Variants in PYGB observed in about 807,000 individuals in gnomAD.
The protein encoded by PYGB is glycogen phosphorylase, brain form.
Under a neutral mutation model 94.3 loss-of-function variants are expected in PYGB, and 82 were observed. That is an observed-to-expected ratio of 0.87 (90% CI 0.73 to 1.04). The LOEUF (loss-of-function observed/expected upper bound fraction) is 1.04. Among genes scored for constraint, PYGB ranks in the 50% least tolerant of loss-of-function variants. PYGB has a pLI of 0.00. For synonymous variants in PYGB, 488 were observed against 479.1 expected, an observed-to-expected ratio of 1.02 and a Z score of -0.24; for missense variants, 1,132 against 1,158.2, an observed-to-expected ratio of 0.98 and a Z score of 0.33.
chr20:25,248,361 C>T lies in PYGB; in HGVS notation c.183C>T (p.Arg61=). 6.3e-7 allele frequency: 1 copy of T among 1,597,626 alleles called. No homozygotes were observed. The change falls in exon 1 of 20, where the codon CGC becomes CGT. Residue 61 remains arginine, a synonymous_variant. Coordinates refer to ENST00000216962, the MANE Select transcript of PYGB (RefSeq NM_002862.4). ...DYFFALAHTV[R]DHLVGRWIRT... ...TCTTCGCGCTGGCGCACACGGTGCG[C>T]GACCACCTCGTGGGCCGCTGGATCC...
chr20:25,283,404 T>G, intron 13 of PYGB, 127 bp downstream of exon 13: 1 of 785,358 alleles, frequency 1.3e-6, no homozygotes, highest in Non-Finnish European at 2.0e-6. Flanking sequence ...TAGTGGGGAC[T>G]CAGAACAGGA....
chr20:25,288,627 G>T, intron 15 of PYGB, 144 bp downstream of exon 15: 7 of 927,852 alleles, frequency 7.5e-6, no homozygotes, highest in Non-Finnish European at 1.2e-5. Flanking sequence ...GTATGCCTGT[G>T]GGGGTGGGGA....
intron 2 of PYGB, among the ~76,000 whole-genome samples, chr20:25,261,175 T>G (rs574572819): frequency 7.8e-4 from 119 of 152,328 alleles, no homozygotes; most frequent in African/African-American, 2.8e-3. Context: ...GACAGACTGC[T>G]TCCACAAGTG....
At chr20:25,294,131 G>A in intron 17 of PYGB, 27 bp from the exon 18 acceptor site, 1 of 1,610,878 alleles carries the variant, frequency 6.2e-7, no homozygotes, top group Non-Finnish European at 8.5e-7. Context: ...GGCGCTGGCT[G>A]CTGACTCCTG....
intron 9 of PYGB, 21 bp from the exon 10 acceptor site, chr20:25,280,245 G>A (rs201724180): frequency 5.1e-5 from 82 of 1,612,188 alleles, no homozygotes; most frequent in Non-Finnish European, 5.9e-5. Context: ...AAACACATGG[G>A]AACATTCTCT....
intron 6 of PYGB, 47 bp from the exon 7 acceptor site, chr20:25,277,197 G>C (rs1157753942): frequency 6.9e-7 from 1 of 1,456,700 alleles, no homozygotes; most frequent in South Asian, 1.1e-5. Context: ...TTGCAGTGCT[G>C]GTGCCAGGAG....
rs549596880 is a variant in PYGB, at chr20:25,274,582, T to C, written c.529-10T>C. 6.2e-7 allele frequency: 1 copy of C among 1,612,220 alleles called. No homozygotes were observed. Among genetic ancestry groups the C allele is most frequent in the Non-Finnish European group, 8.5e-7 (1 of 1,179,180 alleles). ...CGCTGAGGGTGCCCTCACAGCTGGCTTCTTTCCAGGTAGAGGAGGCCGATG... is the reference window on the plus strand; with the variant it reads ...CGCTGAGGGTGCCCTCACAGCTGGCCTCTTTCCAGGTAGAGGAGGCCGATG... On this transcript the variant is annotated splice_polypyrimidine_tract_variant and intron_variant, in intron 4 of 19. Coordinates refer to ENST00000216962, the MANE Select transcript of PYGB (RefSeq NM_002862.4).
rs1568695258 is a variant in PYGB, at chr20:25,283,293, GCCCCAGCCCCGA to G, written c.1620+26_1620+37del. On this transcript the variant is annotated intron_variant, in intron 13 of 19. Transcript: ENST00000216962. ...GGTCAAACAGGTAGGCATGGCCCTG[GCCCCAGCCCCGA>G]CCCCAGCCCTCCCACAACCAGGCAG... is the stretch of plus-strand genomic sequence containing the variant. The G allele has an allele frequency of 3.7e-6, 6 of 1,603,094 alleles. No individual in the cohort carries two copies. The highest frequency in any genetic ancestry group is 3.3e-5 in the Admixed American group (2 of 59,888).
chr20:25,274,734 T>G lies in PYGB; in HGVS notation c.660+11T>G. 1 of 1,610,472 alleles carries G rather than the reference T, an allele frequency of 6.2e-7. No homozygotes were observed. The highest frequency in any genetic ancestry group is 1.3e-5 in the African/African-American group (1 of 75,018). ...TGGCTGGACACACAGGTACCTGGGC[T>G]GAAATGTCTGCGGGCAAGGCTGGAG... On this transcript the variant is annotated intron_variant, in intron 5 of 19. Transcript: ENST00000216962.
chr20:25,259,406 C>T, intron 2 of PYGB, 68 bp downstream of exon 2: 1 of 1,274,352 alleles, frequency 7.8e-7, no homozygotes, highest in Non-Finnish European at 1.1e-6. Context: ...ATCCATTTTC[C>T]CACAGAGGTG....
intron 2 of PYGB, among the ~76,000 whole-genome samples, chr20:25,261,033 G>C (rs7274104): frequency 0.44 from 67,266 of 152,132 alleles, 15,955 homozygotes; most frequent in East Asian, 0.92. Context: ...GCCTGCCTCT[G>C]TAGACTCCAC....
intron 2 of PYGB, among the ~76,000 whole-genome samples, chr20:25,268,161 G>T (rs112849327): frequency 1.6e-5 from 1 of 62,038 alleles, no homozygotes; most frequent in Admixed American, 1.9e-4. Flanking sequence ...CCTAGCACCC[G>T]CCCCCCCCCC....
Position 25,288,425 on chromosome 20 carries a change from G to GATT in PYGB, c.1770_1771insTTA (p.Arg590_Ile591insLeu), listed in dbSNP as rs1568697628. On this transcript the variant is annotated inframe_insertion and splice_region_variant, in exon 15 of 20. Coordinates refer to ENST00000216962, the MANE Select transcript of PYGB (RefSeq NM_002862.4). ...TGAGTCTCTTCCGTGTGTCCTGCAG[G>GATT]AATCAAGAGAGACCCGGCCAAGGCT... 6.2e-7 allele frequency: 1 copy of GATT among 1,614,076 alleles called. No individual in the cohort carries two copies. The highest frequency in any genetic ancestry group is 8.5e-7 in the Non-Finnish European group (1 of 1,180,036).
chr20:25,279,382 C>T (rs956725904), intron 9 of PYGB, among the ~76,000 whole-genome samples: 5 of 152,146 alleles, frequency 3.3e-5, no homozygotes, highest in African/African-American at 1.2e-4. Context: ...GGCTGTGACA[C>T]TTCTCAGGGT....
At chr20:25,268,168 C>CCCCCA (rs1555806078) in intron 2 of PYGB, among the ~76,000 whole-genome samples, 1 of 97,764 alleles carries the variant, frequency 1.0e-5, no homozygotes, top group Non-Finnish European at 2.1e-5. Flanking sequence ...CCCGCCCCCC[C>CCCCCA]CCCATATCCA....
chr20:25,289,098 G>A (rs1209219135), intron 15 of PYGB, among the ~76,000 whole-genome samples: 2 of 152,172 alleles, frequency 1.3e-5, no homozygotes, highest in South Asian at 4.1e-4. Flanking sequence ...GCAAGGCCGG[G>A]GCCTGGGGGT....
rs764241565 is a variant in PYGB at position 25,288,605 on chromosome 20, C to T, written c.1827+122C>T. ...TCGGGAACCGGATGCCCAGCGGTCACCGGCCCCTCTGGTATGCCTGTGGGG... is the reference window on the plus strand; with the variant it reads ...TCGGGAACCGGATGCCCAGCGGTCATCGGCCCCTCTGGTATGCCTGTGGGG... On this transcript the variant is annotated intron_variant, in intron 15 of 19. Coordinates refer to ENST00000216962, the MANE Select transcript of PYGB (RefSeq NM_002862.4). The T allele has an allele frequency of 5.9e-6, 7 of 1,185,078 alleles. No individual in the cohort carries two copies. In the Admixed American group the frequency reaches 1.4e-4, roughly 24 times the overall value. 73.4% of individuals were successfully genotyped at this position (1,185,078 alleles called of 1,614,324 possible). A position where few individuals can be genotyped will look rare whatever the true frequency, so the allele number is the denominator to read the frequency against.
intron 2 of PYGB, among the ~76,000 whole-genome samples, chr20:25,265,919 A>G (rs1264571948): frequency 6.7e-6 from 1 of 149,996 alleles, no homozygotes; most frequent in Non-Finnish European, 1.5e-5. Context: ...AATTTTAAGA[A>G]TTCTCTATTT....
At chr20:25,259,665 T>C (rs79177357) in intron 2 of PYGB, among the ~76,000 whole-genome samples, 1 of 152,232 alleles carries the variant, frequency 6.6e-6, no homozygotes, top group Non-Finnish European at 1.5e-5. Flanking sequence ...TTATTCCATT[T>C]TGACTTCATC....
Sources: gnomAD v4.1 joint callset for allele counts (sites outside exome capture counted in the v4.1 genomes callset) on GRCh38, gnomAD v4.1.1 for gene constraint, MANE v1.5 for transcripts, NCBI Gene and HGNC (gene_info 2026-07-23, HGNC 2026-07-21) for gene names.